Variants in CSMD3 observed in about 807,000 individuals in gnomAD.
CSMD3 encodes the protein CUB and sushi domain-containing protein 3.
Under a neutral mutation model 435.2 loss-of-function variants are expected in CSMD3, and 177 were observed. The observed-to-expected ratio is 0.41, with a 90% CI of 0.36 to 0.46. The LOEUF (loss-of-function observed/expected upper bound fraction) is 0.46. CSMD3 is among the 20% of genes least tolerant of loss of function. The pLI, the probability that CSMD3 is intolerant of heterozygous loss-of-function variation, is 0.34. For missense variants in CSMD3, 4,265 were observed against 4,504.6 expected (o/e 0.95, Z 1.52); for synonymous variants, 1,656 against 1,520.5 (o/e 1.09, Z -2.07).
At chr8:112,434,677 G>A (rs893137212) in intron 32 of CSMD3, among the ~76,000 whole-genome samples, 1 of 151,984 alleles carries the variant, frequency 6.6e-6, no homozygotes, top group Non-Finnish European at 1.5e-5. Flanking sequence ...CTCCTACCTC[G>A]CACAGGCTCC....
Position 112,517,115 on chromosome 8 carries a change from C to G in CSMD3, c.4675G>C (p.Glu1559Gln), listed in dbSNP as rs762141615. 1 of 1,613,816 alleles carries G rather than the reference C, an allele frequency of 6.2e-7. No homozygotes were observed. Among genetic ancestry groups the G allele is most frequent in the Admixed American group, 1.7e-5 (1 of 59,958 alleles). The stretch of plus-strand genomic sequence containing the variant: ...GTTATTCTTTCCTCTCCTTGAAGTT[C>G]ATATCCTGGGTCACATTGAAAAACA... ...TVVFQCDPGY[E>Q]LQGEERITCI... Residue 1559 changes from glutamate to glutamine, a missense_variant, in exon 28 of 71, where the codon GAA becomes CAA. Around this residue, in one of 3 missense-constraint regions of CSMD3, gnomAD observed 3,255 missense variants for 3,380.2 expected, o/e 0.96. Coordinates refer to ENST00000297405, the MANE Select transcript of CSMD3 (RefSeq NM_198123.2).
In CSMD3 at chr8:112,859,030, C is replaced by T. The variant is rs16884158; in HGVS notation, c.1755+115G>A. The stretch of plus-strand genomic sequence containing the variant: ...ATAAACTGTTAAGTAGGGAATATTG[C>T]GCCAAAATCCTACTTGAGTTATAAA... On this transcript the variant is annotated intron_variant, in intron 11 of 70. Transcript: ENST00000297405. 3,143 of 941,310 alleles carry T rather than the reference C, an allele frequency of 3.3e-3. 79 individuals are homozygous for T. The African/African-American group carries it at 0.044, about 13-fold the overall frequency. The allele number at this position is 941,310 out of a possible 1,614,324, so 58.3% of individuals were successfully genotyped here.
chr8:112,568,650 CT>C (rs1829259282), intron 24 of CSMD3, among the ~76,000 whole-genome samples: 1 of 151,810 alleles, frequency 6.6e-6, no homozygotes, highest in African/African-American at 2.4e-5. Flanking sequence ...TATTTTCATA[CT>C]AGGTATGCAT....
intron 30 of CSMD3, among the ~76,000 whole-genome samples, chr8:112,496,617 T>C (rs1056895824): frequency 2.6e-5 from 4 of 152,166 alleles, no homozygotes; most frequent in African/African-American, 9.7e-5. Flanking sequence ...GAAGTACTAT[T>C]CAGCCATAAA....
At chr8:112,982,316 A>G (rs991745175) in intron 6 of CSMD3, among the ~76,000 whole-genome samples, 1 of 151,970 alleles carries the variant, frequency 6.6e-6, no homozygotes, top group Non-Finnish European at 1.5e-5. Flanking sequence ...AACTGACAAT[A>G]AATGTTGAAG....
chr8:112,494,503 C>CTCTCT (rs1185018020), intron 30 of CSMD3, among the ~76,000 whole-genome samples: 1 of 28,086 alleles, frequency 3.6e-5, no homozygotes, highest in East Asian at 5.3e-4. Flanking sequence ...TCCTTTCTTT[C>CTCTCT]TTTCTTTCTT....
chr8:112,407,148 A>C (rs1045379447), intron 34 of CSMD3, among the ~76,000 whole-genome samples: 2 of 151,800 alleles, frequency 1.3e-5, no homozygotes, highest in Admixed American at 1.3e-4. Context: ...TTTGGTTCTT[A>C]ATTAAAAACA....
At chr8:113,043,473 G>A (rs563538850) in intron 5 of CSMD3, among the ~76,000 whole-genome samples, 2 of 152,248 alleles carry the variant, frequency 1.3e-5, no homozygotes, top group African/African-American at 4.8e-5. Context: ...CAACTTCAGA[G>A]CTCAGTATCC....
chr8:112,510,251 T>C (rs1194575966), intron 28 of CSMD3, among the ~76,000 whole-genome samples: 2 of 152,220 alleles, frequency 1.3e-5, no homozygotes, highest in Non-Finnish European at 1.5e-5. Flanking sequence ...AATCGTACTA[T>C]GTATATGCAT....
intron 52 of CSMD3, 46 bp from the exon 53 acceptor site, chr8:112,302,012 C>T: frequency 7.6e-7 from 1 of 1,320,872 alleles, no homozygotes; most frequent in Non-Finnish European, 1.1e-6. Flanking sequence ...TATAGTCAAG[C>T]TGCACTTGTA....
At chr8:112,734,971 GTAGTAGGAAGAGCTCAT>G (rs1232914356) in intron 13 of CSMD3, among the ~76,000 whole-genome samples, 1 of 151,910 alleles carries the variant, frequency 6.6e-6, no homozygotes, top group Non-Finnish European at 1.5e-5. Context: ...ATAGAAAGAC[GTAGTAGGAAGAGCTCAT>G]TGGACTATCT....
chr8:112,775,176 A>T (rs906166264), intron 13 of CSMD3, among the ~76,000 whole-genome samples: 1 of 151,612 alleles, frequency 6.6e-6, no homozygotes, highest in East Asian at 1.9e-4. Flanking sequence ...TCATAATATA[A>T]TATTATTATA....
At chr8:113,095,468 T>G (rs561893963) in intron 5 of CSMD3, among the ~76,000 whole-genome samples, 1 of 152,260 alleles carries the variant, frequency 6.6e-6, no homozygotes, top group East Asian at 1.9e-4. Flanking sequence ...TTCATCGGAG[T>G]TACCCAATGA....
chr8:112,455,640 T>G (rs1816760115), intron 32 of CSMD3, among the ~76,000 whole-genome samples: 1 of 151,116 alleles, frequency 6.6e-6, no homozygotes, highest in Admixed American at 6.6e-5. Context: ...AATCAAAGCA[T>G]AATCAATGCC....
At chr8:112,979,114 A>C (rs1426786153) in intron 6 of CSMD3, among the ~76,000 whole-genome samples, 1 of 151,916 alleles carries the variant, frequency 6.6e-6, no homozygotes, top group African/African-American at 2.4e-5. Context: ...ATTAAGTTGC[A>C]TAAGTAATAA....
At chr8:113,175,055 A>G (rs960809278) in intron 3 of CSMD3, among the ~76,000 whole-genome samples, 1 of 151,902 alleles carries the variant, frequency 6.6e-6, no homozygotes, top group Non-Finnish European at 1.5e-5. Context: ...TTGTGCAGTT[A>G]CTAAATTCTA....
chr8:112,807,680 G>A (rs1412307370), intron 12 of CSMD3, among the ~76,000 whole-genome samples: 3 of 152,144 alleles, frequency 2.0e-5, no homozygotes, highest in East Asian at 1.9e-4. Flanking sequence ...TGTCAGATCA[G>A]TAACCATTTG....
intron 4 of CSMD3, among the ~76,000 whole-genome samples, chr8:113,125,850 ACTT>A (rs1305451757): frequency 1.3e-5 from 2 of 151,896 alleles, no homozygotes; most frequent in Non-Finnish European, 2.9e-5. Flanking sequence ...GAACAAAGAA[ACTT>A]CTTTGAACAC....
intron 9 of CSMD3, among the ~76,000 whole-genome samples, chr8:112,940,159 CT>C (rs2083407957): frequency 6.6e-6 from 1 of 151,844 alleles, no homozygotes; most frequent in African/African-American, 2.4e-5. Flanking sequence ...TGATAATAAA[CT>C]TTTCCTGAAT....
Sources: gnomAD v4.1 joint callset for allele counts (sites outside exome capture counted in the v4.1 genomes callset) on GRCh38, gnomAD v4.1.1 for gene constraint, gnomAD v4.1.1 regional missense constraint, MANE v1.5 for transcripts, NCBI Gene and HGNC (gene_info 2026-07-23, HGNC 2026-07-21) for gene names.